Variants in SYNE1 observed in about 807,000 individuals in gnomAD.
SYNE1 encodes the protein spectrin repeat containing nuclear envelope protein 1.
In SYNE1, 616 loss-of-function variants were observed where a neutral mutation model predicts 1,111.0. The observed-to-expected ratio is 0.55, with a 90% CI of 0.52 to 0.59. The LOEUF is 0.59. SYNE1 is among the 20% of genes least tolerant of loss of function. The pLI, the probability that SYNE1 is intolerant of heterozygous loss-of-function variation, is 0.00. For synonymous variants in SYNE1, 3,855 were observed against 3,825.8 expected, an observed-to-expected ratio of 1.01 and a Z score of -0.28; for missense variants, 10,006 against 10,417.0, an observed-to-expected ratio of 0.96 and a Z score of 1.72.
At position 152,367,294 on chromosome 6, in the gene SYNE1, G is replaced by A. The variant is rs373760161; in HGVS notation, c.9896C>T (p.Ala3299Val). 2.8e-5 allele frequency: 46 copies of A among 1,614,118 alleles called. No individual in the cohort carries two copies. The highest frequency in any genetic ancestry group is 2.4e-4 in the South Asian group (22 of 91,072). The change falls in exon 62 of 146, where the codon GCG becomes GTG. Residue 3299 changes from alanine (A) to valine (V), a missense_variant. Ala to Val is a moderately conservative substitution (Grantham distance 64). Transcript: ENST00000367255. ...GCAGTATGAATCCAGCATGTGAATC[G>A]CATCCGTCATCCAGTCTTGTAATTC... ...IKELQDWMTD[A>V]IHMLDSYCHP...
chr6:152,595,455 T>C (rs184840892), intron 3 of SYNE1, among the ~76,000 whole-genome samples: 2 of 152,326 alleles, frequency 1.3e-5, no homozygotes, highest in Admixed American at 1.3e-4. Flanking sequence ...GTCCTTCTCA[T>C]GCAGGTCTCA....
chr6:152,584,282 AAG>A (rs1194173669), intron 3 of SYNE1, among the ~76,000 whole-genome samples: 1 of 152,138 alleles, frequency 6.6e-6, no homozygotes, highest in Non-Finnish European at 1.5e-5. Flanking sequence ...GAGAGAAAGA[AAG>A]AGATCACAAA....
intron 133 of SYNE1, 49 bp from the exon 134 acceptor site, chr6:152,152,190 T>C (rs1481564110): frequency 6.5e-7 from 1 of 1,537,068 alleles, no homozygotes; most frequent in Non-Finnish European, 9.0e-7. Flanking sequence ...CGAAGGACTC[T>C]CAGTAGTGGC....
chr6:152,559,395 T>A (rs1377389495), intron 3 of SYNE1, among the ~76,000 whole-genome samples: 1 of 152,186 alleles, frequency 6.6e-6, no homozygotes, highest in Non-Finnish European at 1.5e-5. Flanking sequence ...GCTATTGCTG[T>A]CTGGCCTCTT....
At position 152,404,313 on chromosome 6, in the gene SYNE1, G is replaced by A; in HGVS notation, c.6725C>T (p.Ser2242Phe). The A allele has an allele frequency of 1.2e-6, 2 of 1,608,404 alleles. No individual in the cohort carries two copies. Among genetic ancestry groups the A allele is most frequent in the Non-Finnish European group, 1.7e-6 (2 of 1,176,460 alleles). Reference sequence around the variant, plus strand: ...TCTCAATGCTTTGTTTTTAACTTCAGACTGCCAAAAGGGAAGAAACATAAC... The same window carrying A: ...TCTCAATGCTTTGTTTTTAACTTCAAACTGCCAAAAGGGAAGAAACATAAC... ...RAEELLKEFE[S>F]EVKNKALRLE... The change falls in exon 46 of 146, where the codon TCT becomes TTT. Residue 2242 changes from serine (S) to phenylalanine (F), a missense_variant and splice_region_variant. By Grantham distance (155) the Ser-to-Phe change is radical. This residue lies in a region of SYNE1 where 4,955 missense variants were observed against 5,017.2 expected (regional missense o/e 0.99). Transcript: ENST00000367255.
chr6:152,340,954 A>G (rs1037949917), intron 74 of SYNE1, among the ~76,000 whole-genome samples: 1 of 152,172 alleles, frequency 6.6e-6, no homozygotes, highest in African/African-American at 2.4e-5. Context: ...AGGGATAAAT[A>G]AGGAAGGCAG....
At chr6:152,535,956 C>G (rs2099233640) in intron 4 of SYNE1, among the ~76,000 whole-genome samples, 1 of 152,050 alleles carries the variant, frequency 6.6e-6, no homozygotes, top group African/African-American at 2.4e-5. Flanking sequence ...GCTGTTAGGC[C>G]TAAGACATCC....
intron 49 of SYNE1, among the ~76,000 whole-genome samples, chr6:152,397,353 T>G (rs750284875): frequency 2.0e-5 from 3 of 152,192 alleles, no homozygotes; most frequent in Non-Finnish European, 2.9e-5. Flanking sequence ...CCACCCTGCA[T>G]GCGAAATCCT....
chr6:152,203,149 G>A (rs2075848251), intron 126 of SYNE1, among the ~76,000 whole-genome samples: 1 of 152,102 alleles, frequency 6.6e-6, no homozygotes, highest in East Asian at 1.9e-4. Flanking sequence ...GAGAATATAG[G>A]AGAATTTGGA....
At chr6:152,522,812 T>G (rs2099146345) in intron 5 of SYNE1, among the ~76,000 whole-genome samples, 1 of 152,084 alleles carries the variant, frequency 6.6e-6, no homozygotes, top group South Asian at 2.1e-4. Flanking sequence ...ACTAGTTATG[T>G]TGTACATTTT....
intron 126 of SYNE1, 35 bp downstream of exon 126, chr6:152,206,133 G>A (rs79289308): frequency 2.8e-5 from 45 of 1,602,058 alleles, no homozygotes; most frequent in Non-Finnish European, 3.6e-5. Flanking sequence ...CGACTAAAAG[G>A]GTTTTTTGGT....
At chr6:152,186,559 A>T in intron 128 of SYNE1, among the ~76,000 whole-genome samples, 1 of 19,766 alleles carries the variant, frequency 5.1e-5, no homozygotes, top group Non-Finnish European at 8.5e-5. Context: ...TCTGTGTCAA[A>T]AAAAAAAAAA....
intron 127 of SYNE1, among the ~76,000 whole-genome samples, chr6:152,198,806 A>C (rs1279032111): frequency 6.6e-6 from 1 of 152,214 alleles, no homozygotes; most frequent in Non-Finnish European, 1.5e-5. Flanking sequence ...TAATTACAAT[A>C]GCACCATCAA....
chr6:152,427,760 GCTTTAGCTT>G lies in SYNE1; in HGVS notation c.5024_5032del (p.Glu1675_Lys1677del). The G allele has an allele frequency of 6.2e-7, 1 of 1,614,064 alleles. No homozygotes were observed. Among genetic ancestry groups the G allele is most frequent in the African/African-American group, 1.3e-5 (1 of 75,020 alleles). On this transcript the variant is annotated inframe_deletion, in exon 38 of 146. Transcript: ENST00000367255. ...AGAAATGTCCATTTCTGGGGAACTG[GCTTTAGCTT>G]CACCCCGCTCTAACCAGGTCAAAAA...
At chr6:152,509,732 A>G (rs2099075639) in intron 8 of SYNE1, among the ~76,000 whole-genome samples, 1 of 152,070 alleles carries the variant, frequency 6.6e-6, no homozygotes, top group Non-Finnish European at 1.5e-5. Context: ...TTTAAAAACT[A>G]AAATTGCTAG....
rs148421407 is a variant in SYNE1 at position 152,530,778 on chromosome 6, C to T, written c.130-4603G>A. Among the ~76,000 whole-genome samples the T allele has an allele frequency of 7.9e-3, 1,200 of 152,168 alleles. 23 individuals are homozygous for T. Among genetic ancestry groups the T allele is most frequent in the African/African-American group, 0.027 (1,141 of 41,492 alleles). ...CTGGGACTACAGGCGCCCACCACCA[C>T]ACCCAGCTAATTTTTTTTGTATTTT... On this transcript the variant is annotated intron_variant, in intron 4 of 145. Coordinates refer to ENST00000367255, the MANE Select transcript of SYNE1 (RefSeq NM_182961.4).
chr6:152,329,288 G>A (rs1443037229), intron 78 of SYNE1, among the ~76,000 whole-genome samples: 1 of 152,202 alleles, frequency 6.6e-6, no homozygotes, highest in Admixed American at 6.5e-5. Context: ...CACTTTGGGA[G>A]GCCAAGGCAG....
chr6:152,620,576 C>A (rs2099673219), intron 3 of SYNE1, among the ~76,000 whole-genome samples: 1 of 152,038 alleles, frequency 6.6e-6, no homozygotes, highest in African/African-American at 2.4e-5. Context: ...AGTGAGAGGA[C>A]CAAGTTTAAT....
At chr6:152,133,825 GAAAAGCACAACATTA>G in intron 142 of SYNE1, 1 of 284,410 alleles carries the variant, frequency 3.5e-6, no homozygotes, top group Non-Finnish European at 6.7e-6. Flanking sequence ...CTTTTAAACA[GAAAAGCACAACATTA>G]AATATAGCGA....
Sources: allele counts gnomAD v4.1 joint callset (sites outside exome capture counted in the v4.1 genomes callset), GRCh38; gene constraint gnomAD v4.1.1; regional missense constraint gnomAD v4.1.1; transcripts MANE v1.5; gene names NCBI Gene and HGNC (gene_info 2026-07-23, HGNC 2026-07-21).